NID1: variants seen among roughly 807,000 people sequenced by gnomAD.
NID1 encodes the protein nidogen-1.
In NID1, 76 loss-of-function variants were observed where a neutral mutation model predicts 130.6. The observed-to-expected ratio is 0.58, with a 90% CI of 0.48 to 0.70. The LOEUF (loss-of-function observed/expected upper bound fraction) is 0.70. Among genes scored for constraint, NID1 ranks in the 30% least tolerant of loss-of-function variants. The pLI, the probability that NID1 is intolerant of heterozygous loss-of-function variation, is 0.00. For missense variants in NID1, 1,517 were observed against 1,664.8 expected (o/e 0.91, Z 1.54); for synonymous variants, 665 against 675.1 (o/e 0.98, Z 0.23).
rs1657374692 is a variant in NID1 at position 235,979,689 on chromosome 1, G to A, written c.3509+133C>T. On this transcript the variant is annotated intron_variant, in intron 18 of 19. Transcript: ENST00000264187. The surrounding 1 kb of genome is among the most constrained non-coding windows in gnomAD (Gnocchi z 4.6). ...GACAACCAGAAGGATAAGGGAGAGGGGACATCTCTAGAGGGGGCATTTCTG... is the reference window on the plus strand; with the variant it reads ...GACAACCAGAAGGATAAGGGAGAGGAGACATCTCTAGAGGGGGCATTTCTG... 3 of 893,800 alleles carry A rather than the reference G, an allele frequency of 3.4e-6. No homozygotes were observed. The highest frequency in any genetic ancestry group is 5.2e-6 in the Non-Finnish European group (3 of 580,460). The allele number at this position is 893,800 out of a possible 1,614,324, so 55.4% of individuals were successfully genotyped here.
At chr1:236,017,674 G>A (rs569450115) in intron 9 of NID1, among the ~76,000 whole-genome samples, 4 of 152,238 alleles carry the variant, frequency 2.6e-5, no homozygotes, top group Admixed American at 6.5e-5. Flanking sequence ...GTGAGCCACC[G>A]CCCCTAGCCT....
chr1:236,008,380 T>G (rs141508048), intron 12 of NID1, among the ~76,000 whole-genome samples: 1 of 152,358 alleles, frequency 6.6e-6, no homozygotes, highest in East Asian at 1.9e-4. Flanking sequence ...TAGCCCCTTC[T>G]GTATACAGTA....
At chr1:236,007,822 G>A (rs1658292923) in intron 12 of NID1, among the ~76,000 whole-genome samples, 1 of 152,166 alleles carries the variant, frequency 6.6e-6, no homozygotes, top group Non-Finnish European at 1.5e-5. Flanking sequence ...AGCTGCTCCT[G>A]AACTCCTGAC....
At chr1:236,064,552 C>A (rs1660134680) in intron 1 of NID1, 1 of 348,150 alleles carries the variant, frequency 2.9e-6, no homozygotes, top group South Asian at 3.1e-5. Flanking sequence ...ACTGACCTCC[C>A]TGCGGCGATG....
chr1:235,978,107 G>A, intron 19 of NID1, 119 bp from the exon 20 acceptor site: 1 of 1,256,308 alleles, frequency 8.0e-7, no homozygotes, highest in Non-Finnish European at 1.1e-6. Flanking sequence ...AGCCATGCTA[G>A]GAAGGCTTCA....
At chr1:236,048,009 G>A in intron 2 of NID1, among the ~76,000 whole-genome samples, 1 of 105,326 alleles carries the variant, frequency 9.5e-6, no homozygotes, top group Non-Finnish European at 1.7e-5. Context: ...CTGGGCAACA[G>A]AGCAAGACTC....
chr1:236,017,037 C>T, intron 10 of NID1, 111 bp downstream of exon 10: 3 of 1,445,592 alleles, frequency 2.1e-6, no homozygotes, highest in Non-Finnish European at 2.9e-6. Context: ...ATTGCTCTTC[C>T]CAGCACCTTC....
Position 236,012,036 on chromosome 1 carries a change from A to C in NID1, c.2412T>G (p.Asp804Glu), listed in dbSNP as rs776252551. ...SGDGQACQDV[D>E]ECQPSRCHPD... ...GGTGACATCGGCTTGGCTGGCATTC[A>C]TCTACATCTGTAAAACAGCCACCAG... is the stretch of plus-strand genomic sequence containing the variant. The change falls in exon 12 of 20, where the codon GAT becomes GAG. Residue 804 changes from aspartate (D) to glutamate (E), a missense_variant. Physicochemically the swap from Asp to Glu is conservative, Grantham distance 45. Around this residue, in one of 3 missense-constraint regions of NID1, gnomAD observed 1,329 missense variants for 1,429.2 expected, o/e 0.93. Coordinates refer to ENST00000264187, the MANE Select transcript of NID1 (RefSeq NM_002508.3). 2 of 1,613,200 alleles carry C rather than the reference A, an allele frequency of 1.2e-6. No individual in the cohort carries two copies. Among genetic ancestry groups the C allele is most frequent in the African/African-American group, 1.3e-5 (1 of 74,926 alleles).
intron 3 of NID1, among the ~76,000 whole-genome samples, chr1:236,045,211 A>T (rs1215990613): frequency 2.3e-5 from 1 of 43,524 alleles, no homozygotes; most frequent in Non-Finnish European, 4.2e-5. Flanking sequence ...TGTCTCAAAA[A>T]AAAAAAAAAA....
chr1:236,042,049 G>C lies in NID1; in HGVS notation c.996C>G (p.Leu332=). 1 of 1,614,200 alleles carries C rather than the reference G, an allele frequency of 6.2e-7. No homozygotes were observed. Among genetic ancestry groups the C allele is most frequent in the South Asian group, 1.1e-5 (1 of 91,078 alleles). The change falls in exon 4 of 20, where the codon CTC becomes CTG. Residue 332 remains leucine (L), a synonymous_variant. Transcript: ENST00000264187. ...TTTCGGTAGCTGCCCGGCGCGGGGA[G>C]AGGACGCTGGGCACACTGTATGTGT... ...GADTYSVPSV[L]SPRRAATERP...
rs951310422 is a variant in NID1, at chr1:236,025,324, C to T, written c.1984+572G>A. Among the ~76,000 whole-genome samples, 19 of 145,196 alleles carry T rather than the reference C, an allele frequency of 1.3e-4. No homozygotes were observed. The East Asian group carries it at 1.8e-3, about 14-fold the overall frequency. ...TCGCCCAGGCTGGAGTGCAGTGGTG[C>T]GATCTCGGCTGACTACAACCTCTGC... On this transcript the variant is annotated intron_variant, in intron 8 of 19. Transcript: ENST00000264187.
intron 17 of NID1, among the ~76,000 whole-genome samples, 162 bp downstream of exon 17, chr1:235,980,328 TGTACCA>T (rs1365799491): frequency 6.6e-6 from 1 of 152,208 alleles, no homozygotes; most frequent in Non-Finnish European, 1.5e-5. Flanking sequence ...TATACAATTT[TGTACCA>T]GTATATATTT....
chr1:236,024,023 C>T lies in NID1; in HGVS notation c.2128+47G>A, dbSNP rs1357492217. 2.5e-6 allele frequency: 4 copies of T among 1,606,968 alleles called. No homozygotes were observed. The East Asian group carries it at 6.7e-5, about 27-fold the overall frequency. On this transcript the variant is annotated intron_variant, in intron 9 of 19. Transcript: ENST00000264187. ...GGTTTACAGAACGTGGATGCCTCCT[C>T]CTCGCCTGATTTCCCAGCCCCAACA...
intron 3 of NID1, among the ~76,000 whole-genome samples, chr1:236,044,216 T>C (rs1572616759): frequency 6.6e-6 from 1 of 152,194 alleles, no homozygotes; most frequent in African/African-American, 2.4e-5. Context: ...GGAGCTTATA[T>C]GGACTAGCTT....
intron 7 of NID1, 122 bp downstream of exon 7, chr1:236,029,428 G>T: frequency 3.3e-6 from 3 of 900,854 alleles, no homozygotes; most frequent in Non-Finnish European, 5.1e-6. Context: ...TGACTGTAAG[G>T]CCCGGTGTAT....
chr1:236,059,103 A>T lies in NID1; in HGVS notation c.225+5752T>A, dbSNP rs376632246. 1.1e-4 allele frequency among the ~76,000 whole-genome samples: 16 copies of T among 152,332 alleles called. No homozygotes were observed. The East Asian group carries it at 2.5e-3, about 24-fold the overall frequency. The stretch of plus-strand genomic sequence containing the variant: ...TGATGAGAGATTTTAATTTAGCTTT[A>T]ATGTCACACAGCCAGTAAGTGATAG... On this transcript the variant is annotated intron_variant, in intron 1 of 19. Coordinates refer to ENST00000264187, the MANE Select transcript of NID1 (RefSeq NM_002508.3).
At chr1:235,986,290 A>T (rs1029322153) in intron 14 of NID1, among the ~76,000 whole-genome samples, 1 of 152,230 alleles carries the variant, frequency 6.6e-6, no homozygotes, top group Non-Finnish European at 1.5e-5. Context: ...ATGGTTATTT[A>T]TGTAGAAAGT....
At chr1:236,052,577 A>T (rs1002760632) in intron 1 of NID1, among the ~76,000 whole-genome samples, 1 of 151,902 alleles carries the variant, frequency 6.6e-6, no homozygotes, top group Non-Finnish European at 1.5e-5. Context: ...ATTGCATTCA[A>T]CGTTGTTTTG....
chr1:236,006,308 G>T (rs1379622053), intron 12 of NID1, among the ~76,000 whole-genome samples: 1 of 152,144 alleles, frequency 6.6e-6, no homozygotes, highest in Non-Finnish European at 1.5e-5. Context: ...ATGGGTCTAG[G>T]CAGTAATCAT....
Sources: gnomAD v4.1 joint callset for allele counts (sites outside exome capture counted in the v4.1 genomes callset) on GRCh38, gnomAD v4.1.1 for gene constraint, gnomAD v4.1.1 regional missense constraint, Gnocchi (gnomAD v3.1) non-coding constraint, MANE v1.5 for transcripts, NCBI Gene and HGNC (gene_info 2026-07-23, HGNC 2026-07-21) for gene names.